Variants in STYXL1 observed in about 807,000 individuals in gnomAD.
The protein encoded by STYXL1 is serine/threonine/tyrosine-interacting-like protein 1.
In STYXL1, 32 loss-of-function variants were observed where a neutral mutation model predicts 36.4. The observed-to-expected ratio is 0.88, with a 90% CI of 0.66 to 1.18. The LOEUF is 1.18. Ranked by LOEUF, STYXL1 falls within the 50% of genes most tolerant of loss-of-function variation. The probability of loss-of-function intolerance (pLI) is 0.00; values close to 1 mark genes in which losing one functional copy is unlikely to be tolerated. For missense variants in STYXL1, 354 were observed against 394.1 expected, an observed-to-expected ratio of 0.90 and a Z score of 0.86; for synonymous variants, 133 against 144.1, an observed-to-expected ratio of 0.92 and a Z score of 0.55.
At chr7:76,000,164 G>A (rs1166810993) in intron 8 of STYXL1, among the ~76,000 whole-genome samples, 1 of 148,674 alleles carries the variant, frequency 6.7e-6, no homozygotes, top group Non-Finnish European at 1.5e-5. Flanking sequence ...GAACCCAGGA[G>A]GTGGAGATTG....
intron 1 of STYXL1, among the ~76,000 whole-genome samples, chr7:76,046,447 A>T (rs1451688301): frequency 6.6e-6 from 1 of 151,978 alleles, no homozygotes; most frequent in African/African-American, 2.4e-5. Flanking sequence ...CCTGGGTTCA[A>T]GGGATTCTCC....
intron 1 of STYXL1, among the ~76,000 whole-genome samples, chr7:76,040,678 A>G (rs980215399): frequency 6.6e-6 from 1 of 152,166 alleles, no homozygotes; most frequent in Non-Finnish European, 1.5e-5. Context: ...CTCTACTAAA[A>G]ATACAAAATT....
chr7:76,012,517 C>T (rs537784145), intron 5 of STYXL1, among the ~76,000 whole-genome samples: 2 of 152,262 alleles, frequency 1.3e-5, no homozygotes, highest in East Asian at 3.9e-4. Context: ...CCTCACCCTC[C>T]TGAGTAACTG....
intron 6 of STYXL1, among the ~76,000 whole-genome samples, chr7:76,004,322 C>A (rs1791368886): frequency 6.6e-6 from 1 of 152,042 alleles, no homozygotes; most frequent in South Asian, 2.1e-4. Context: ...ATCAAACTCC[C>A]AACCTCAGCT....
Position 76,046,604 on chromosome 7 carries a change from C to A in STYXL1, c.-5+1058G>T, listed in dbSNP as rs139128931. 7.0e-3 allele frequency among the ~76,000 whole-genome samples: 1,067 copies of A among 151,528 alleles called. 8 individuals are homozygous for A. Among genetic ancestry groups the A allele is most frequent in the Non-Finnish European group, 0.013 (865 of 67,948 alleles). ...TCAGGTGATCTGCCCGCCTTGACCT[C>A]CCAAAGTGCTGGGATTACAGGCATA... is the stretch of plus-strand genomic sequence containing the variant. On this transcript the variant is annotated intron_variant, in intron 1 of 8. Transcript: ENST00000359697.
intron 4 of STYXL1, among the ~76,000 whole-genome samples, chr7:76,018,271 T>C (rs1554574645): frequency 1.3e-5 from 2 of 152,196 alleles, no homozygotes; most frequent in East Asian, 1.9e-4. Flanking sequence ...CTCATTTCTA[T>C]GGATTTGCCT....
intron 5 of STYXL1, among the ~76,000 whole-genome samples, chr7:76,008,886 C>T (rs928646678): frequency 6.6e-6 from 1 of 152,108 alleles, no homozygotes; most frequent in Non-Finnish European, 1.5e-5. Flanking sequence ...CCTGTAATCT[C>T]AGCTACTCTG....
intron 5 of STYXL1, 103 bp downstream of exon 5, chr7:76,013,639 C>G: frequency 2.0e-6 from 3 of 1,526,540 alleles, no homozygotes; most frequent in East Asian, 2.3e-5. Flanking sequence ...TTCTCTATAT[C>G]CTCTGTCCCA....
At chr7:76,018,397 T>TTA in intron 4 of STYXL1, among the ~76,000 whole-genome samples, 1 of 149,918 alleles carries the variant, frequency 6.7e-6, no homozygotes, top group African/African-American at 2.4e-5. Context: ...GTACTTTTAT[T>TTA]TTTTTTTTTT....
chr7:76,002,671 C>G (rs1243911683), intron 7 of STYXL1, among the ~76,000 whole-genome samples: 3 of 152,142 alleles, frequency 2.0e-5, no homozygotes, highest in African/African-American at 7.2e-5. Flanking sequence ...CGCCTGTAAT[C>G]CCAGTACTTT....
Position 76,003,829 on chromosome 7 carries a change from A to C in STYXL1, c.626T>G (p.Leu209Arg). ...PFFAGDADKLLHIRIEDSPEA... is the reference protein window; with the variant it reads ...PFFAGDADKLRHIRIEDSPEA... ...CGGGGAATCTTCTATCCGGATGTGC[A>C]GAAGCTTGTCAGCATCGCCTGCAAA... Residue 209 changes from leucine to arginine, a missense_variant, in exon 7 of 9, where the codon CTG becomes CGG. Leu to Arg is a moderately radical substitution (Grantham distance 102). Transcript: ENST00000359697. 1 of 1,614,216 alleles carries C rather than the reference A, an allele frequency of 6.2e-7. No homozygotes were observed. Among genetic ancestry groups the C allele is most frequent in the South Asian group, 1.1e-5 (1 of 91,088 alleles).
At chr7:76,007,743 A>G (rs1791971360) in intron 5 of STYXL1, among the ~76,000 whole-genome samples, 1 of 151,752 alleles carries the variant, frequency 6.6e-6, no homozygotes, top group African/African-American at 2.4e-5. Context: ...TAACACAGCA[A>G]GACCCTTGTC....
chr7:76,022,921 T>C (rs563869856), intron 3 of STYXL1, among the ~76,000 whole-genome samples: 23 of 152,120 alleles, frequency 1.5e-4, no homozygotes, highest in African/African-American at 4.6e-4. Flanking sequence ...AGTGAGACTA[T>C]GTCCCAAAAA....
At chr7:76,017,001 C>T (rs576228488) in intron 4 of STYXL1, among the ~76,000 whole-genome samples, 5 of 152,046 alleles carry the variant, frequency 3.3e-5, no homozygotes, top group African/African-American at 9.7e-5. Context: ...CCATCAACAA[C>T]GGATTGTATT....
At position 76,012,677 on chromosome 7, in the gene STYXL1, G is replaced by A. The variant is rs1174835818; in HGVS notation, c.453+1065C>T. Among the ~76,000 whole-genome samples, 3 of 152,238 alleles carry A rather than the reference G, an allele frequency of 2.0e-5. No individual in the cohort carries two copies. In the East Asian group the frequency reaches 5.8e-4, roughly 29 times the overall value. On this transcript the variant is annotated intron_variant, in intron 5 of 8. Transcript: ENST00000359697. The stretch of plus-strand genomic sequence containing the variant: ...CCAAAAGTGCTGGGATTATAGGCGT[G>A]AGCCACCACAGCCAGCTCCATTTAT...
intron 5 of STYXL1, among the ~76,000 whole-genome samples, chr7:76,005,882 A>AGAGGAGGAG (rs1279754103): frequency 1.3e-5 from 1 of 76,660 alleles, no homozygotes; most frequent in Admixed American, 1.5e-4. Context: ...AGAGGAGGAG[A>AGAGGAGGAG]GAGGAGGAGG....
rs1795216303 is a variant in STYXL1 at position 76,030,589 on chromosome 7, G to A, written c.-4-62C>T. 1.8e-5 allele frequency: 17 copies of A among 967,698 alleles called. No homozygotes were observed. In the Admixed American group the frequency reaches 3.2e-4, roughly 18 times the overall value. 59.9% of individuals were successfully genotyped at this position (967,698 alleles called of 1,614,324 possible). ...TCTATTTTAGATGAATGACCACAAA[G>A]TAATATAATGAATTAAACTCTTTTT... On this transcript the variant is annotated intron_variant, in intron 1 of 8. Transcript: ENST00000359697.
Position 76,022,095 on chromosome 7 carries a change from A to G in STYXL1, c.166-103T>C, listed in dbSNP as rs1210801454. ...CAGCACTGGGAGGAGCTAAGACCGC[A>G]CTCTCTCCCCTGACTATACACACAG... is the stretch of plus-strand genomic sequence containing the variant. On this transcript the variant is annotated intron_variant, in intron 3 of 8. Coordinates refer to ENST00000359697, the MANE Select transcript of STYXL1 (RefSeq NM_001317785.2). 6.6e-6 allele frequency: 10 copies of G among 1,515,952 alleles called. No homozygotes were observed. In the African/African-American group the frequency reaches 1.4e-4, roughly 21 times the overall value. 93.9% of individuals were successfully genotyped at this position (1,515,952 alleles called of 1,614,324 possible).
intron 5 of STYXL1, among the ~76,000 whole-genome samples, chr7:76,008,115 C>T (rs1485034722): frequency 1.4e-5 from 2 of 141,394 alleles, no homozygotes; most frequent in Non-Finnish European, 1.5e-5. Flanking sequence ...AGGAGAATCA[C>T]TTGAACCCAG....
Sources: gnomAD v4.1 joint callset for allele counts (sites outside exome capture counted in the v4.1 genomes callset) on GRCh38, gnomAD v4.1.1 for gene constraint, MANE v1.5 for transcripts, NCBI Gene and HGNC (gene_info 2026-07-23, HGNC 2026-07-21) for gene names.